DLC1: variants seen among roughly 807,000 people sequenced by gnomAD.
DLC1 encodes the protein rho GTPase-activating protein 7.
DLC1 carries 54 observed loss-of-function variants against 140.3 expected under a neutral mutation model. The observed-to-expected ratio is 0.38, with a 90% CI of 0.31 to 0.48. The LOEUF (loss-of-function observed/expected upper bound fraction) is 0.48. Ranked by LOEUF, DLC1 falls within the 20% of genes least tolerant of loss-of-function variation. The pLI is 0.96. For synonymous variants in DLC1, 986 were observed against 728.1 expected (o/e 1.35, Z -5.70); for missense variants, 2,536 against 1,907.0 (o/e 1.33, Z -6.14).
chr8:13,231,160 C>G (rs1194166227), intron 5 of DLC1, among the ~76,000 whole-genome samples: 2 of 151,610 alleles, frequency 1.3e-5, no homozygotes, highest in African/African-American at 4.9e-5. Flanking sequence ...CCTTCAAGTT[C>G]TTTAAATTCT....
intron 1 of DLC1, among the ~76,000 whole-genome samples, chr8:13,550,831 C>A (rs1303690572): frequency 6.6e-6 from 1 of 152,062 alleles, no homozygotes; most frequent in Non-Finnish European, 1.5e-5. Flanking sequence ...GGCTCAGATT[C>A]TTGAAGTATC....
At chr8:13,227,765 C>A (rs117098466) in intron 5 of DLC1, among the ~76,000 whole-genome samples, 1 of 152,172 alleles carries the variant, frequency 6.6e-6, no homozygotes, top group Non-Finnish European at 1.5e-5. Flanking sequence ...CATGGCCAGT[C>A]TATTGTGACA....
At chr8:13,196,578 A>G (rs763641660) in intron 5 of DLC1, among the ~76,000 whole-genome samples, 1 of 152,094 alleles carries the variant, frequency 6.6e-6, no homozygotes, top group African/African-American at 2.4e-5. Flanking sequence ...TGGTTCTATG[A>G]TTCTTAATTT....
chr8:13,448,558 T>C (rs1003479312), intron 2 of DLC1, among the ~76,000 whole-genome samples: 2 of 152,118 alleles, frequency 1.3e-5, no homozygotes, highest in African/African-American at 2.4e-5. Context: ...AGATGAGATT[T>C]TGCCATGTTG....
At chr8:13,490,507 G>C (rs1178163221) in intron 2 of DLC1, among the ~76,000 whole-genome samples, 2 of 152,164 alleles carry the variant, frequency 1.3e-5, no homozygotes, top group African/African-American at 4.8e-5. Flanking sequence ...GCACCACTGT[G>C]TCTGGTACCC....
intron 2 of DLC1, among the ~76,000 whole-genome samples, chr8:13,427,595 A>G (rs920696847): frequency 1.3e-5 from 2 of 152,030 alleles, no homozygotes; most frequent in Non-Finnish European, 2.9e-5. Flanking sequence ...GAAATATTTG[A>G]TTCATTCTCC....
intron 4 of DLC1, among the ~76,000 whole-genome samples, chr8:13,312,680 A>G (rs1832726919): frequency 6.6e-6 from 1 of 152,166 alleles, no homozygotes; most frequent in African/African-American, 2.4e-5. Context: ...TAAGTACTGC[A>G]TATTAATATA....
rs763102352 is a variant in DLC1 at position 13,393,577 on chromosome 8, A to G, written c.1290T>C (p.Asn430=). 6.2e-7 allele frequency: 1 copy of G among 1,614,078 alleles called. No individual in the cohort carries two copies. Among genetic ancestry groups the G allele is most frequent in the South Asian group, 1.1e-5 (1 of 91,070 alleles). The change falls in exon 4 of 18, where the codon AAT becomes AAC. Residue 430 remains asparagine (N), a synonymous_variant. Transcript: ENST00000276297. ...TDLPSSTPVA[N]SGTKPKTTAI... ...CCGTAGTCTTGGGTTTGGTTCCAGA[A>G]TTGGCTACTGGAGTGGAAGATGGGA... is the stretch of plus-strand genomic sequence containing the variant.
intron 1 of DLC1, among the ~76,000 whole-genome samples, chr8:13,556,001 G>A (rs1804032772): frequency 1.3e-5 from 2 of 152,098 alleles, no homozygotes; most frequent in Admixed American, 1.3e-4. Context: ...TAGATGGCTG[G>A]TATATAGAGT....
chr8:13,441,569 A>G (rs1299423683), intron 2 of DLC1, among the ~76,000 whole-genome samples: 3 of 152,156 alleles, frequency 2.0e-5, no homozygotes, highest in East Asian at 3.9e-4. Flanking sequence ...CCAATAACAG[A>G]CAAACAGAGA....
chr8:13,555,966 G>A (rs111568441), intron 1 of DLC1, among the ~76,000 whole-genome samples: 6 of 152,216 alleles, frequency 3.9e-5, no homozygotes, highest in African/African-American at 1.2e-4. Flanking sequence ...AAAGAAAGAG[G>A]TTGCATTTCA....
In DLC1 at chr8:13,428,903, A is replaced by G. The variant is rs141084014; in HGVS notation, c.1024-27284T>C. Among the ~76,000 whole-genome samples the G allele has an allele frequency of 3.1e-3, 471 of 152,342 alleles. 1 individual carries two copies. The highest frequency in any genetic ancestry group is 0.011 in the African/African-American group (462 of 41,582). On this transcript the variant is annotated intron_variant, in intron 2 of 17. Coordinates refer to ENST00000276297, the MANE Select transcript of DLC1 (RefSeq NM_182643.3). ...ATAGAAGAGACCTAAGTAGACTCTG[A>G]TCAGGCTACAGGGCAACCTGGTGGG...
intron 2 of DLC1, among the ~76,000 whole-genome samples, chr8:13,457,871 C>T (rs1448112585): frequency 6.6e-6 from 1 of 151,802 alleles, no homozygotes; most frequent in East Asian, 1.9e-4. Context: ...TACTTTTTGC[C>T]TCTGTATTAT....
At chr8:13,378,857 C>A (rs1836117872) in intron 4 of DLC1, among the ~76,000 whole-genome samples, 1 of 152,054 alleles carries the variant, frequency 6.6e-6, no homozygotes, top group Non-Finnish European at 1.5e-5. Flanking sequence ...TACGAATAAT[C>A]CACTCTGACA....
At chr8:13,475,837 C>A (rs544308632) in intron 2 of DLC1, among the ~76,000 whole-genome samples, 1 of 152,302 alleles carries the variant, frequency 6.6e-6, no homozygotes, top group South Asian at 2.1e-4. Flanking sequence ...TGCATGCCAT[C>A]TTGGAAAACT....
At position 13,100,090 on chromosome 8, in the gene DLC1, G is replaced by A. The variant is rs1224750474; in HGVS notation, c.2247C>T (p.Thr749=). Residue 749 remains threonine (T), a synonymous_variant, in exon 9 of 18, where the codon ACC becomes ACT. Transcript: ENST00000276297. ...GGCTGGGCGTGCTGACCGCGCTGCT[G>A]GTCTCCGACTGGCTGCTGCTGCTGC... ...QTSSSSSQSE[T]SSAVSTPSPV... is the part of the protein sequence containing the mutation. 3.1e-6 allele frequency: 5 copies of A among 1,613,678 alleles called. No individual in the cohort carries two copies. Among genetic ancestry groups the A allele is most frequent in the Non-Finnish European group, 4.2e-6 (5 of 1,180,052 alleles).
At chr8:13,232,539 G>T (rs1357447418) in intron 5 of DLC1, among the ~76,000 whole-genome samples, 1 of 152,044 alleles carries the variant, frequency 6.6e-6, no homozygotes, top group Non-Finnish European at 1.5e-5. Context: ...TCACATGTTG[G>T]CCAGGATGGT....
chr8:13,427,092 G>C (rs1329771889), intron 2 of DLC1, among the ~76,000 whole-genome samples: 1 of 152,076 alleles, frequency 6.6e-6, no homozygotes, highest in Non-Finnish European at 1.5e-5. Context: ...TGTCATTTTA[G>C]AAATGTGTCT....
chr8:13,233,576 A>G (rs1829152502), intron 5 of DLC1, among the ~76,000 whole-genome samples: 1 of 152,178 alleles, frequency 6.6e-6, no homozygotes, highest in African/African-American at 2.4e-5. Flanking sequence ...ACAAAAGAGA[A>G]TCTGCATAGG....
Sources: gnomAD v4.1 joint callset for allele counts (sites outside exome capture counted in the v4.1 genomes callset) on GRCh38, gnomAD v4.1.1 for gene constraint, MANE v1.5 for transcripts, NCBI Gene and HGNC (gene_info 2026-07-23, HGNC 2026-07-21) for gene names.